The following MRPL3 variants were observed in gnomAD, a reference collection of about 807,000 sequenced individuals.
MRPL3 encodes mitochondrial ribosomal protein L3.
Under a neutral mutation model 44.3 loss-of-function variants are expected in MRPL3, and 43 were observed. That is an observed-to-expected ratio of 0.97 (90% CI 0.76 to 1.25). MRPL3 has a LOEUF of 1.25. Ranked by LOEUF, MRPL3 falls within the 50% of genes most tolerant of loss-of-function variation. MRPL3 has a pLI of 0.00. For synonymous variants in MRPL3, 171 were observed against 152.3 expected (o/e 1.12, Z -0.91); for missense variants, 406 against 427.6 (o/e 0.95, Z 0.45).
intron 5 of MRPL3, among the ~76,000 whole-genome samples, chr3:131,489,058 TAAAC>T (rs767100453): frequency 3.9e-5 from 6 of 152,052 alleles, no homozygotes; most frequent in African/African-American, 7.2e-5. Context: ...ATCATAAACA[TAAAC>T]AAAGAGTTTA....
At chr3:131,471,020 A>T in intron 7 of MRPL3, 151 bp downstream of exon 7, 1 of 600,218 alleles carries the variant, frequency 1.7e-6, no homozygotes, top group East Asian at 2.8e-5. Flanking sequence ...GAAATGAGTG[A>T]GGGGCAAGGA....
At chr3:131,467,415 C>T (rs1933637087) in intron 9 of MRPL3, among the ~76,000 whole-genome samples, 1 of 152,010 alleles carries the variant, frequency 6.6e-6, no homozygotes, top group African/African-American at 2.4e-5. Context: ...GATCTTTCTG[C>T]TTACTGGCCT....
At chr3:131,498,976 C>CT (rs1934433710) in intron 3 of MRPL3, among the ~76,000 whole-genome samples, 1 of 152,144 alleles carries the variant, frequency 6.6e-6, no homozygotes, top group Non-Finnish European at 1.5e-5. Flanking sequence ...GAATCAGAAT[C>CT]TTTGTGTTTT....
At chr3:131,498,959 A>G (rs2110716221) in intron 3 of MRPL3, among the ~76,000 whole-genome samples, 1 of 152,222 alleles carries the variant, frequency 6.6e-6, no homozygotes, top group East Asian at 1.9e-4. Flanking sequence ...CTCAATCCAG[A>G]CCTACTGAAT....
At chr3:131,485,651 GAA>G (rs147601693) in intron 6 of MRPL3, among the ~76,000 whole-genome samples, 1 of 145,400 alleles carries the variant, frequency 6.9e-6, no homozygotes, top group African/African-American at 2.5e-5. Flanking sequence ...CAGGAAGCAG[GAA>G]AAAAAAAAGG....
At chr3:131,492,964 A>C (rs1367306369) in intron 4 of MRPL3, among the ~76,000 whole-genome samples, 3 of 152,196 alleles carry the variant, frequency 2.0e-5, no homozygotes, top group Non-Finnish European at 4.4e-5. Context: ...ATAGATTGCT[A>C]TAGGACTTGA....
At chr3:131,479,812 T>A (rs1285225381) in intron 6 of MRPL3, among the ~76,000 whole-genome samples, 2 of 152,174 alleles carry the variant, frequency 1.3e-5, no homozygotes, top group Non-Finnish European at 2.9e-5. Flanking sequence ...GCCGCTGCAC[T>A]CCAGCCTGGG....
At chr3:131,468,881 G>C (rs1933679401) in intron 8 of MRPL3, among the ~76,000 whole-genome samples, 2 of 152,008 alleles carry the variant, frequency 1.3e-5, no homozygotes, top group Admixed American at 1.3e-4. Flanking sequence ...AAGGTATGCA[G>C]AATAGAGACT....
At chr3:131,481,062 G>A (rs571944373) in intron 6 of MRPL3, among the ~76,000 whole-genome samples, 1 of 152,130 alleles carries the variant, frequency 6.6e-6, no homozygotes, top group Non-Finnish European at 1.5e-5. Context: ...CAGATTAGAA[G>A]AAAAATATTA....
chr3:131,473,534 GA>G (rs888584751), intron 6 of MRPL3, among the ~76,000 whole-genome samples: 2 of 151,644 alleles, frequency 1.3e-5, no homozygotes, highest in Non-Finnish European at 2.9e-5. Context: ...GGCAACAAAA[GA>G]AAAGACACAT....
At position 131,473,058 on chromosome 3, in the gene MRPL3, T is replaced by C. The variant is rs142675469; in HGVS notation, c.630-1779A>G. ...ACACTCTTCACAGAAATAGAAAAAA[T>C]AATCCTAGAATTCATATGGAACCAC... On this transcript the variant is annotated intron_variant, in intron 6 of 9. Coordinates refer to ENST00000264995, the MANE Select transcript of MRPL3 (RefSeq NM_007208.4). Among the ~76,000 whole-genome samples, 236 of 151,952 alleles carry C rather than the reference T, an allele frequency of 1.6e-3. 1 individual carries two copies. The highest frequency in any genetic ancestry group is 5.2e-3 in the African/African-American group (215 of 41,460).
chr3:131,482,332 C>T (rs1371629815), intron 6 of MRPL3, among the ~76,000 whole-genome samples: 3 of 151,632 alleles, frequency 2.0e-5, no homozygotes, highest in East Asian at 2.0e-4. Context: ...CTGGCTAAAA[C>T]GGTGAAACTC....
At chr3:131,468,962 T>C (rs1933680601) in intron 8 of MRPL3, among the ~76,000 whole-genome samples, 1 of 152,062 alleles carries the variant, frequency 6.6e-6, no homozygotes, top group South Asian at 2.1e-4. Flanking sequence ...CTTATTTTCT[T>C]CTTTGTACTT....
chr3:131,502,631 G>C, intron 1 of MRPL3, 99 bp downstream of exon 1: 1 of 932,186 alleles, frequency 1.1e-6, no homozygotes, highest in Non-Finnish European at 1.6e-6. Flanking sequence ...TCTCAACAGA[G>C]CCCCTTCCTC....
intron 6 of MRPL3, among the ~76,000 whole-genome samples, chr3:131,482,834 C>T (rs1934021161): frequency 6.6e-6 from 1 of 152,158 alleles, no homozygotes; most frequent in Non-Finnish European, 1.5e-5. Flanking sequence ...TTCAACAAGA[C>T]ACCTAGCAGG....
chr3:131,468,538 A>G (rs1263024376), intron 8 of MRPL3, among the ~76,000 whole-genome samples: 3 of 152,122 alleles, frequency 2.0e-5, no homozygotes, highest in African/African-American at 7.2e-5. Context: ...CCACAACCTC[A>G]CTGATTCTAA....
At chr3:131,502,584 C>T in intron 1 of MRPL3, 146 bp downstream of exon 1, 1 of 643,676 alleles carries the variant, frequency 1.6e-6, no homozygotes. Context: ...GAACGTGCTT[C>T]CTTAGGTTAA....
intron 3 of MRPL3, 54 bp downstream of exon 3, chr3:131,500,376 C>A (rs1415191012): frequency 5.6e-6 from 8 of 1,438,692 alleles, no homozygotes; most frequent in Non-Finnish European, 7.8e-6. Context: ...AAGGTTTGCA[C>A]AAACAGATCT....
chr3:131,469,224 ACACACACACG>A (rs1181750039), intron 8 of MRPL3, among the ~76,000 whole-genome samples: 1 of 145,074 alleles, frequency 6.9e-6, no homozygotes, highest in Non-Finnish European at 1.6e-5. Flanking sequence ...TTACACTTAC[ACACACACACG>A]CACACACACA....
Sources: gnomAD v4.1 joint callset for allele counts (sites outside exome capture counted in the v4.1 genomes callset) on GRCh38, gnomAD v4.1.1 for gene constraint, MANE v1.5 for transcripts, NCBI Gene and HGNC (gene_info 2026-07-23, HGNC 2026-07-21) for gene names.